Variants in DENND5B observed in about 807,000 individuals in gnomAD.
The protein encoded by DENND5B is DENN domain-containing protein 5B.
Under a neutral mutation model 140.6 loss-of-function variants are expected in DENND5B, and 34 were observed. The ratio of observed to expected loss-of-function variants is 0.24; its 90% CI spans 0.18 to 0.32. DENND5B has a LOEUF of 0.32. Ranked by LOEUF, DENND5B falls within the 10% of genes least tolerant of loss-of-function variation. The probability of loss-of-function intolerance (pLI) is 1.00; values close to 1 mark genes in which losing one functional copy is unlikely to be tolerated. For missense variants in DENND5B, 1,142 were observed against 1,560.2 expected, an observed-to-expected ratio of 0.73 and a Z score of 4.52; for synonymous variants, 551 against 562.1, an observed-to-expected ratio of 0.98 and a Z score of 0.28.
At chr12:31,442,972 C>A (rs557062901) in intron 6 of DENND5B, 47 bp from the exon 7 acceptor site, 1 of 1,516,720 alleles carries the variant, frequency 6.6e-7, no homozygotes, top group Non-Finnish European at 8.9e-7. Context: ...ATTGCTAGCC[C>A]TTCAAAAATA....
intron 6 of DENND5B, among the ~76,000 whole-genome samples, 155 bp downstream of exon 6, chr12:31,447,383 G>A (rs941107669): frequency 3.3e-5 from 5 of 152,074 alleles, no homozygotes; most frequent in African/African-American, 9.7e-5. Flanking sequence ...GTAGGACTCA[G>A]AAAGAAAAAT....
chr12:31,538,526 G>C (rs1012511782), intron 1 of DENND5B, among the ~76,000 whole-genome samples: 2 of 152,048 alleles, frequency 1.3e-5, no homozygotes, highest in Non-Finnish European at 2.9e-5. Context: ...GTATATTAAA[G>C]AACTAGAAAA....
At chr12:31,491,207 C>T (rs1218073347) in intron 2 of DENND5B, among the ~76,000 whole-genome samples, 1 of 152,164 alleles carries the variant, frequency 6.6e-6, no homozygotes, top group Non-Finnish European at 1.5e-5. Flanking sequence ...GGCACAGTGG[C>T]TCACAGAGGT....
In DENND5B at chr12:31,590,938, G is replaced by A. The variant is rs939396100; in HGVS notation, c.-106C>T. On this transcript the variant is annotated 5_prime_UTR_variant, in exon 1 of 21. Transcript: ENST00000389082. The stretch of plus-strand genomic sequence containing the variant: ...GTGGTCTGTGCGCCCGCCCTAGGGC[G>A]ACACTGGCGCGCCCATGGCCGCGCA... The A allele has an allele frequency of 9.6e-5, 107 of 1,109,078 alleles. No homozygotes were observed. In the African/African-American group the frequency reaches 1.5e-3, roughly 16 times the overall value. The allele number at this position is 1,109,078 out of a possible 1,614,324, so 68.7% of individuals were successfully genotyped here.
intron 16 of DENND5B, among the ~76,000 whole-genome samples, chr12:31,399,273 TTC>T: frequency 8.1e-6 from 1 of 122,758 alleles, no homozygotes. Context: ...GTTCAAACAA[TTC>T]TTTTTTTTTT....
chr12:31,417,647 T>C (rs1262330163), intron 11 of DENND5B, among the ~76,000 whole-genome samples: 3 of 152,126 alleles, frequency 2.0e-5, no homozygotes, highest in Non-Finnish European at 2.9e-5. Context: ...TTGTCTCTTA[T>C]GTATGAAAGA....
At chr12:31,425,470 A>C (rs1565566207) in intron 9 of DENND5B, among the ~76,000 whole-genome samples, 1 of 152,210 alleles carries the variant, frequency 6.6e-6, no homozygotes, top group Non-Finnish European at 1.5e-5. Flanking sequence ...CCAGAATACA[A>C]ATGGGCAGCT....
At chr12:31,551,779 C>T (rs1459157762) in intron 1 of DENND5B, among the ~76,000 whole-genome samples, 1 of 152,208 alleles carries the variant, frequency 6.6e-6, no homozygotes, top group African/African-American at 2.4e-5. Context: ...AGGCCCTTCA[C>T]ATCCCTTGTA....
chr12:31,529,980 T>C (rs1332724054), intron 1 of DENND5B, among the ~76,000 whole-genome samples: 2 of 152,172 alleles, frequency 1.3e-5, no homozygotes, highest in Admixed American at 1.3e-4. Flanking sequence ...TTAAACACCA[T>C]AGCACTATAA....
intron 1 of DENND5B, among the ~76,000 whole-genome samples, chr12:31,541,445 G>A (rs182601038): frequency 2.0e-5 from 3 of 152,252 alleles, no homozygotes; most frequent in East Asian, 1.9e-4. Flanking sequence ...ACAGGTATAC[G>A]AAAAGCTGCT....
intron 1 of DENND5B, among the ~76,000 whole-genome samples, chr12:31,504,787 G>T (rs1355958352): frequency 1.3e-5 from 2 of 152,000 alleles, no homozygotes; most frequent in African/African-American, 4.8e-5. Context: ...ATCTGCTTCT[G>T]GGTGGGGGTC....
rs937722524 is a variant in DENND5B at position 31,385,412 on chromosome 12, G to C, written c.*2191C>G. ...GGCTGGATGAGGTGTGTCAATCCTAGCACATTAACCTAAGTCATCCCCCAG... is the reference window on the plus strand; with the variant it reads ...GGCTGGATGAGGTGTGTCAATCCTACCACATTAACCTAAGTCATCCCCCAG... On this transcript the variant is annotated 3_prime_UTR_variant, in exon 21 of 21. Transcript: ENST00000389082. The C allele has an allele frequency of 6.6e-6, 1 of 152,186 alleles. No homozygotes were observed. The highest frequency in any genetic ancestry group is 1.5e-5 in the Non-Finnish European group (1 of 68,062). 9.4% of individuals were successfully genotyped at this position (152,186 alleles called of 1,614,324 possible).
At chr12:31,564,582 T>TTAC (rs1291001151) in intron 1 of DENND5B, among the ~76,000 whole-genome samples, 2 of 147,312 alleles carry the variant, frequency 1.4e-5, no homozygotes, top group East Asian at 2.0e-4. Context: ...ATTATTATTA[T>TTAC]TATTATTATT....
chr12:31,591,027 G>GAGCC lies in DENND5B; in HGVS notation c.-196_-195insGGCT. 1 of 466,766 alleles carries GAGCC rather than the reference G, an allele frequency of 2.1e-6. No individual in the cohort carries two copies. Among genetic ancestry groups the GAGCC allele is most frequent in the Non-Finnish European group, 2.8e-6 (1 of 355,352 alleles). The allele number at this position is 466,766 out of a possible 1,614,324, so 28.9% of individuals were successfully genotyped here. On this transcript the variant is annotated 5_prime_UTR_variant, in exon 1 of 21. Coordinates refer to ENST00000389082, the MANE Select transcript of DENND5B (RefSeq NM_144973.4). ...GCGGGGGAAGCGGCCGCGGGCTCGC[G>GAGCC]CGCGGCGGGTCCGGAGCCCGGCCGG...
chr12:31,499,729 CA>C, intron 1 of DENND5B: 2 of 1,319,236 alleles, frequency 1.5e-6, no homozygotes, highest in East Asian at 5.6e-5. Context: ...AAACAAAAAG[CA>C]AAAATGACTT....
At chr12:31,394,131 G>GC (rs1555130181) in intron 17 of DENND5B, among the ~76,000 whole-genome samples, 1 of 151,384 alleles carries the variant, frequency 6.6e-6, no homozygotes, top group Non-Finnish European at 1.5e-5. Flanking sequence ...GTTTTTGTTT[G>GC]TTTTTTTTAC....
rs1404032754 is a variant in DENND5B at position 31,550,723 on chromosome 12, C to T, written c.127+39983G>A. On this transcript the variant is annotated intron_variant, in intron 1 of 20. Transcript: ENST00000389082. ...CTATTTCTCCACATCCTCTCCAGCA[C>T]CTGTTGTTTCCTGACTTTTTAATGA... Among the ~76,000 whole-genome samples, 6 of 152,236 alleles carry T rather than the reference C, an allele frequency of 3.9e-5. No individual in the cohort carries two copies. The East Asian group carries it at 7.7e-4, about 20-fold the overall frequency.
intron 1 of DENND5B, among the ~76,000 whole-genome samples, chr12:31,502,983 G>A (rs1947069406): frequency 2.0e-5 from 3 of 152,176 alleles, no homozygotes; most frequent in Admixed American, 2.0e-4. Flanking sequence ...ATAGCTGAAA[G>A]ACCTCTGAGC....
At position 31,426,653 on chromosome 12, in the gene DENND5B, C is replaced by G. The variant is rs116188426; in HGVS notation, c.2107-229G>C. On this transcript the variant is annotated intron_variant, in intron 8 of 20. Coordinates refer to ENST00000389082, the MANE Select transcript of DENND5B (RefSeq NM_144973.4). ...AAGTAAAGTGACAGAAACCCCATCA[C>G]GTTAAAACTCATTCAAAGTGAGATG... 1,792 of 384,092 alleles carry G rather than the reference C, an allele frequency of 4.7e-3. 33 individuals are homozygous for G. Among genetic ancestry groups the G allele is most frequent in the African/African-American group, 0.033 (1,626 of 48,856 alleles). 23.8% of individuals were successfully genotyped at this position (384,092 alleles called of 1,614,324 possible).
Sources: gnomAD v4.1 joint callset for allele counts (sites outside exome capture counted in the v4.1 genomes callset) on GRCh38, gnomAD v4.1.1 for gene constraint, MANE v1.5 for transcripts, NCBI Gene and HGNC (gene_info 2026-07-23, HGNC 2026-07-21) for gene names.